PCDHGA6: variants seen among roughly 807,000 people sequenced by gnomAD.
PCDHGA6 encodes the protein protocadherin gamma subfamily A, 6.
PCDHGA6 carries 41 observed loss-of-function variants against 60.6 expected under a neutral mutation model. The ratio of observed to expected loss-of-function variants is 0.68; its 90% CI spans 0.53 to 0.88. PCDHGA6 has a LOEUF of 0.88. Among genes scored for constraint, PCDHGA6 ranks in the 40% least tolerant of loss-of-function variants. The pLI is 0.00. For missense variants in PCDHGA6, 1,312 were observed against 1,203.0 expected (o/e 1.09, Z -1.34); for synonymous variants, 594 against 524.4 (o/e 1.13, Z -1.81).
In PCDHGA6 at chr5:141,431,814, T is replaced by C. The variant is rs1300319049; in HGVS notation, c.2424+55307T>C. 1 of 1,614,246 alleles carries C rather than the reference T, an allele frequency of 6.2e-7. No homozygotes were observed. Among genetic ancestry groups the C allele is most frequent in the Non-Finnish European group, 8.5e-7 (1 of 1,180,044 alleles). ...GCCCCAGAAGTGGTCCTCACCTCTC[T>C]CGCCAGCTCGGTTCCCGAAAACTCT... On this transcript the variant is annotated intron_variant, in intron 1 of 3. Coordinates refer to ENST00000517434, the MANE Select transcript of PCDHGA6 (RefSeq NM_018919.3). The surrounding 1 kb of genome is among the most constrained non-coding windows in gnomAD (Gnocchi z 4.8).
At chr5:141,473,858 C>G (rs569473917) in intron 1 of PCDHGA6, among the ~76,000 whole-genome samples, 1 of 152,286 alleles carries the variant, frequency 6.6e-6, no homozygotes, top group Admixed American at 6.5e-5. Flanking sequence ...ATGAACCTCG[C>G]TATTGTGGAG....
intron 1 of PCDHGA6, among the ~76,000 whole-genome samples, chr5:141,457,171 T>C (rs1337137368): frequency 3.3e-5 from 5 of 152,216 alleles, no homozygotes; most frequent in Non-Finnish European, 7.3e-5. Flanking sequence ...GATAACCCTA[T>C]TGCAAATAGT....
chr5:141,435,934 T>A (rs1311888999), intron 1 of PCDHGA6, among the ~76,000 whole-genome samples: 2 of 152,160 alleles, frequency 1.3e-5, no homozygotes, highest in Non-Finnish European at 2.9e-5. Flanking sequence ...CAGTTGCTGC[T>A]TCTGAGACCA....
At chr5:141,492,312 C>G (rs1470136040) in intron 1 of PCDHGA6, among the ~76,000 whole-genome samples, 3 of 152,230 alleles carry the variant, frequency 2.0e-5, no homozygotes, top group Non-Finnish European at 4.4e-5. Context: ...CGCACGCACT[C>G]CTCGCACGTG....
intron 1 of PCDHGA6, chr5:141,398,164 AG>A (rs970849138): frequency 6.8e-7 from 1 of 1,481,390 alleles, no homozygotes; most frequent in African/African-American, 1.4e-5. Context: ...CCGGGCTGAG[AG>A]GCTGCCAGTG....
chr5:141,459,444 T>C (rs1485634547), intron 1 of PCDHGA6, among the ~76,000 whole-genome samples: 1 of 152,244 alleles, frequency 6.6e-6, no homozygotes, highest in Non-Finnish European at 1.5e-5. Context: ...TTCATTCAAC[T>C]GTTGGTGGAC....
At chr5:141,481,323 C>T (rs539518691) in intron 1 of PCDHGA6, among the ~76,000 whole-genome samples, 1 of 152,284 alleles carries the variant, frequency 6.6e-6, no homozygotes, top group Non-Finnish European at 1.5e-5. Flanking sequence ...AAAGCACTAG[C>T]CCCTGGACAA....
intron 1 of PCDHGA6, chr5:141,421,903 G>A (rs757656265): frequency 6.2e-6 from 10 of 1,613,704 alleles, no homozygotes; most frequent in African/African-American, 1.3e-5. Flanking sequence ...CCGAAAGGGC[G>A]CAGTTCCCAT....
chr5:141,487,812 T>A lies in PCDHGA6; in HGVS notation c.2425-6995T>A. ...TAACCAGAGTTGTCACAGTTTAGCA[T>A]TGGGGGCGGGTCATGCCTATATCTG... On this transcript the variant is annotated intron_variant, in intron 1 of 3. Coordinates refer to ENST00000517434, the MANE Select transcript of PCDHGA6 (RefSeq NM_018919.3). The surrounding 1 kb of genome is among the most constrained non-coding windows in gnomAD (Gnocchi z 5.0). 1 of 1,408,206 alleles carries A rather than the reference T, an allele frequency of 7.1e-7. No individual in the cohort carries two copies. The highest frequency in any genetic ancestry group is 9.7e-7 in the Non-Finnish European group (1 of 1,036,248). 87.2% of individuals were successfully genotyped at this position (1,408,206 alleles called of 1,614,324 possible). A position where few individuals can be genotyped will look rare whatever the true frequency, so the allele number is the denominator to read the frequency against.
At chr5:141,443,871 G>A (rs1395939418) in intron 1 of PCDHGA6, among the ~76,000 whole-genome samples, 1 of 152,112 alleles carries the variant, frequency 6.6e-6, no homozygotes, top group East Asian at 1.9e-4. Context: ...AAAAATTACT[G>A]ATAAGTCAAG....
chr5:141,403,074 A>T (rs777613681), intron 1 of PCDHGA6: 1 of 1,614,088 alleles, frequency 6.2e-7, no homozygotes, highest in South Asian at 1.1e-5. Context: ...GAGACAGAAA[A>T]GGGCTATATT....
At chr5:141,459,075 G>T (rs562572838) in intron 1 of PCDHGA6, among the ~76,000 whole-genome samples, 1 of 152,134 alleles carries the variant, frequency 6.6e-6, no homozygotes, top group Non-Finnish European at 1.5e-5. Context: ...CATAAAATTT[G>T]CCTTTTAAAA....
chr5:141,404,772 G>T, intron 1 of PCDHGA6: 2 of 1,613,820 alleles, frequency 1.2e-6, no homozygotes, highest in African/African-American at 1.3e-5. Flanking sequence ...CTCTCCTACC[G>T]CCTATTCAAG....
In PCDHGA6 at chr5:141,432,255, C is replaced by T. The variant is rs1561859576; in HGVS notation, c.2424+55748C>T. The T allele has an allele frequency of 6.2e-7, 1 of 1,614,246 alleles. No individual in the cohort carries two copies. The highest frequency in any genetic ancestry group is 8.5e-7 in the Non-Finnish European group (1 of 1,180,048). On this transcript the variant is annotated intron_variant, in intron 1 of 3. Transcript: ENST00000517434. This position sits in a 1 kb window ranked among gnomAD's most constrained non-coding sequence, Gnocchi z 6.0. The stretch of plus-strand genomic sequence containing the variant: ...CTGGCTGAGAACACCATCCAAGGGG[C>T]AAGCCTATCGTCCTACGTGTCCATC...
At chr5:141,466,107 G>T (rs1463944825) in intron 1 of PCDHGA6, among the ~76,000 whole-genome samples, 1 of 151,928 alleles carries the variant, frequency 6.6e-6, no homozygotes, top group East Asian at 1.9e-4. Flanking sequence ...GGGCAACAGA[G>T]TGAGACTCCA....
At chr5:141,458,413 G>A (rs138479316) in intron 1 of PCDHGA6, among the ~76,000 whole-genome samples, 1 of 152,196 alleles carries the variant, frequency 6.6e-6, no homozygotes, top group East Asian at 1.9e-4. Context: ...CGGAGCGGGG[G>A]TTCCAAAGCT....
At chr5:141,397,920 T>C (rs2093586320) in intron 1 of PCDHGA6, 1 of 726,984 alleles carries the variant, frequency 1.4e-6, no homozygotes, top group Non-Finnish European at 2.2e-6. Context: ...CCAGATCTCC[T>C]CGCGCAGCCG....
intron 1 of PCDHGA6, among the ~76,000 whole-genome samples, chr5:141,446,280 A>G (rs1011084291): frequency 2.6e-5 from 4 of 152,162 alleles, no homozygotes; most frequent in South Asian, 2.1e-4. Context: ...AATACAATGG[A>G]TAAATGGGGA....
At chr5:141,423,022 T>C in intron 1 of PCDHGA6, 1 of 1,614,194 alleles carries the variant, frequency 6.2e-7, no homozygotes, top group Non-Finnish European at 8.5e-7. Flanking sequence ...GGACAAAGAT[T>C]CAGGCCAGAA....
Sources: allele counts gnomAD v4.1 joint callset (sites outside exome capture counted in the v4.1 genomes callset), GRCh38; gene constraint gnomAD v4.1.1; non-coding constraint Gnocchi (gnomAD v3.1); transcripts MANE v1.5; gene names NCBI Gene and HGNC (gene_info 2026-07-23, HGNC 2026-07-21).